TBC1D19: variants seen among roughly 807,000 people sequenced by gnomAD.
The protein encoded by TBC1D19 is TBC1 domain family member 19.
Under a neutral mutation model 89.0 loss-of-function variants are expected in TBC1D19, and 60 were observed. That is an observed-to-expected ratio of 0.67 (90% CI 0.55 to 0.84). The LOEUF is 0.84. Ranked by LOEUF, TBC1D19 falls within the 40% of genes least tolerant of loss-of-function variation. The probability of loss-of-function intolerance (pLI) is 0.00; values close to 1 mark genes in which losing one functional copy is unlikely to be tolerated. For missense variants in TBC1D19, 500 were observed against 610.8 expected, an observed-to-expected ratio of 0.82 and a Z score of 1.91; for synonymous variants, 189 against 199.7, an observed-to-expected ratio of 0.95 and a Z score of 0.45.
rs2109263695 is a variant in TBC1D19, at chr4:26,717,958, C to T, written c.980C>T (p.Thr327Ile). 3.7e-6 allele frequency: 6 copies of T among 1,612,100 alleles called. No individual in the cohort carries two copies. The highest frequency in any genetic ancestry group is 5.1e-6 in the Non-Finnish European group (6 of 1,178,942). Reference protein sequence around the residue: ...YQVLLCFSRDTSVLSHFAFNS... With the variant: ...YQVLLCFSRDISVLSHFAFNS... ...GTATTACTTTGTTTTTCCCGGGATACATCTGTGTTGAGTCACTTTGCATTC... is the reference window on the plus strand; with the variant it reads ...GTATTACTTTGTTTTTCCCGGGATATATCTGTGTTGAGTCACTTTGCATTC... Residue 327 changes from threonine (T) to isoleucine (I), a missense_variant, in exon 14 of 21, where the codon ACA (threonine) becomes ATA (isoleucine). By Grantham distance (89) the Thr-to-Ile change is moderately conservative. Around this residue, in one of 2 missense-constraint regions of TBC1D19, gnomAD observed 220 missense variants for 319.1 expected, o/e 0.69. Transcript: ENST00000264866.
chr4:26,663,675 A>G lies in TBC1D19; in HGVS notation c.592-2658A>G, dbSNP rs187405602. On this transcript the variant is annotated intron_variant, in intron 8 of 20. Coordinates refer to ENST00000264866, the MANE Select transcript of TBC1D19 (RefSeq NM_018317.4). Reference sequence around the variant, plus strand: ...AAATTGTAGCTATATGATTAAGAGTATAGTTAGTCCTTTTATTCCTCAGTC... The same window carrying G: ...AAATTGTAGCTATATGATTAAGAGTGTAGTTAGTCCTTTTATTCCTCAGTC... Among the ~76,000 whole-genome samples, 165 of 152,338 alleles carry G rather than the reference A, an allele frequency of 1.1e-3. 1 individual carries two copies. Among genetic ancestry groups the G allele is most frequent in the Non-Finnish European group, 3.1e-4 (21 of 68,040 alleles).
chr4:26,734,050 C>T (rs1487099289), intron 15 of TBC1D19, among the ~76,000 whole-genome samples: 1 of 152,104 alleles, frequency 6.6e-6, no homozygotes, highest in Non-Finnish European at 1.5e-5. Context: ...GCAGTGTCTT[C>T]AAATATTTCT....
intron 1 of TBC1D19, among the ~76,000 whole-genome samples, chr4:26,600,607 C>A (rs1467940704): frequency 6.6e-6 from 1 of 152,106 alleles, no homozygotes; most frequent in Non-Finnish European, 1.5e-5. Flanking sequence ...ATAGAGTATA[C>A]CACGAAAGGA....
chr4:26,653,067 G>A (rs1560447868), intron 7 of TBC1D19, among the ~76,000 whole-genome samples: 1 of 152,136 alleles, frequency 6.6e-6, no homozygotes, highest in Middle Eastern at 3.4e-3. Context: ...GGTATGTTGT[G>A]CCTTTTTTCT....
intron 13 of TBC1D19, among the ~76,000 whole-genome samples, chr4:26,694,699 C>G (rs995564846): frequency 2.0e-5 from 3 of 152,142 alleles, no homozygotes; most frequent in Non-Finnish European, 1.5e-5. Flanking sequence ...ATGAAGCTTC[C>G]AGAGGAATGA....
chr4:26,658,344 A>G (rs926912616), intron 7 of TBC1D19, among the ~76,000 whole-genome samples: 6 of 152,168 alleles, frequency 3.9e-5, no homozygotes, highest in East Asian at 3.9e-4. Flanking sequence ...TAAATAGGCA[A>G]TCTTTTCCCC....
Position 26,755,762 on chromosome 4 carries a change from G to A in TBC1D19, c.*815G>A, listed in dbSNP as rs1719233583. Among the ~76,000 whole-genome samples, 1 of 152,180 alleles carries A rather than the reference G, an allele frequency of 6.6e-6. No homozygotes were observed. ...AGTCAAAACCCCATTCACTTTTGCT[G>A]AAGCTTGGTTTAACAAGATTTACTT... On this transcript the variant is annotated 3_prime_UTR_variant, in exon 21 of 21. Coordinates refer to ENST00000264866, the MANE Select transcript of TBC1D19 (RefSeq NM_018317.4).
At position 26,642,260 on chromosome 4, in the gene TBC1D19, C is replaced by G. The variant is rs751416128; in HGVS notation, c.480+2073C>G. ...CAAAAACCCTACAAGCCAGAAGAGA[C>G]TGGGGGCCAATATTCAACATTCTTA... is the stretch of plus-strand genomic sequence containing the variant. On this transcript the variant is annotated intron_variant, in intron 7 of 20. Transcript: ENST00000264866. 6.6e-5 allele frequency among the ~76,000 whole-genome samples: 10 copies of G among 152,150 alleles called. 1 individual carries two copies. The highest frequency in any genetic ancestry group is 3.9e-4 in the East Asian group (2 of 5,194).
chr4:26,579,583 G>C (rs988596897), upstream of TBC1D19, among the ~76,000 whole-genome samples: 2 of 151,318 alleles, frequency 1.3e-5, no homozygotes. Context: ...ATTGTGGTTT[G>C]CTGCACCTAT....
chr4:26,652,899 C>T (rs1744500182), intron 7 of TBC1D19, among the ~76,000 whole-genome samples: 2 of 152,144 alleles, frequency 1.3e-5, no homozygotes, highest in Non-Finnish European at 1.5e-5. Flanking sequence ...TTATTTCTTG[C>T]CTTCGGCTAG....
chr4:26,717,460 A>G (rs981619398), intron 13 of TBC1D19, among the ~76,000 whole-genome samples: 8 of 151,944 alleles, frequency 5.3e-5, no homozygotes, highest in African/African-American at 1.9e-4. Flanking sequence ...TTAGGCAACC[A>G]CTTGTTCTAC....
chr4:26,720,289 G>A (rs1560496036), intron 15 of TBC1D19, among the ~76,000 whole-genome samples, 164 bp downstream of exon 15: 1 of 152,058 alleles, frequency 6.6e-6, no homozygotes, highest in South Asian at 2.1e-4. Flanking sequence ...TTTGTGGTAG[G>A]TTTGTGCTAA....
intron 13 of TBC1D19, among the ~76,000 whole-genome samples, chr4:26,696,423 C>A (rs1283938059): frequency 6.6e-6 from 1 of 152,082 alleles, no homozygotes; most frequent in Non-Finnish European, 1.5e-5. Flanking sequence ...ACTTTAACAC[C>A]CCACTGTCAA....
At chr4:26,677,279 C>T (rs545489153) in intron 11 of TBC1D19, among the ~76,000 whole-genome samples, 1 of 152,014 alleles carries the variant, frequency 6.6e-6, no homozygotes, top group Admixed American at 6.6e-5. Flanking sequence ...AAAACAAAAC[C>T]TTCTACCTTA....
chr4:26,826,309 C>G, the TBC1D19 span, among the ~76,000 whole-genome samples: 1 of 152,300 alleles, frequency 6.6e-6, no homozygotes, highest in Non-Finnish European at 1.5e-5. Flanking sequence ...CATTGTTTAA[C>G]TCTAGTATCA....
chr4:26,628,854 A>G (rs1742608421), intron 4 of TBC1D19, among the ~76,000 whole-genome samples: 1 of 152,022 alleles, frequency 6.6e-6, no homozygotes, highest in African/African-American at 2.4e-5. Context: ...TCAATGAAAT[A>G]AAAGAGGATA....
intron 4 of TBC1D19, among the ~76,000 whole-genome samples, chr4:26,635,460 A>G (rs185961022): frequency 1.9e-3 from 292 of 152,222 alleles, no homozygotes; most frequent in African/African-American, 6.6e-3. Flanking sequence ...AAATAAGCCA[A>G]TAAATAGAGT....
the TBC1D19 span, among the ~76,000 whole-genome samples, chr4:26,801,125 G>A: frequency 6.6e-6 from 1 of 152,162 alleles, no homozygotes; most frequent in Non-Finnish European, 1.5e-5. Context: ...TTCTTCTAGG[G>A]TTTTTATGGT....
intron 15 of TBC1D19, among the ~76,000 whole-genome samples, chr4:26,725,774 G>T (rs1717273631): frequency 6.6e-6 from 1 of 152,162 alleles, no homozygotes; most frequent in South Asian, 2.1e-4. Flanking sequence ...TCACTAGAAT[G>T]TAAGCTCCAA....
Sources: allele counts gnomAD v4.1 joint callset (sites outside exome capture counted in the v4.1 genomes callset), GRCh38; gene constraint gnomAD v4.1.1; regional missense constraint gnomAD v4.1.1; transcripts MANE v1.5; gene names NCBI Gene and HGNC (gene_info 2026-07-23, HGNC 2026-07-21).